ZNF516: variants seen among roughly 807,000 people sequenced by gnomAD.
ZNF516 encodes zinc finger protein 516.
ZNF516 carries 19 observed loss-of-function variants against 79.7 expected under a neutral mutation model. That is an observed-to-expected ratio of 0.24 (90% confidence interval 0.17 to 0.35). The LOEUF is 0.35. ZNF516 is among the 10% of genes least tolerant of loss of function. The pLI is 1.00. For missense variants in ZNF516, 1,678 were observed against 1,679.5 expected (o/e 1.00, Z 0.02); for synonymous variants, 877 against 739.5 (o/e 1.19, Z -3.02).
chr18:76,377,088 C>T (rs2074799186), intron 4 of ZNF516, among the ~76,000 whole-genome samples: 1 of 152,258 alleles, frequency 6.6e-6, no homozygotes, highest in African/African-American at 2.4e-5. Context: ...GCTGAGGGAA[C>T]TCGCTCACTG....
At chr18:76,495,664 GT>G, upstream of ZNF516, 1 of 1,160,938 alleles carries the variant, frequency 8.6e-7, no homozygotes, top group Non-Finnish European at 1.1e-6. Context: ...CCCGGAGGCC[GT>G]TTCCGCGCGC....
intron 2 of ZNF516, among the ~76,000 whole-genome samples, chr18:76,458,163 G>T (rs1440734548): frequency 6.6e-6 from 1 of 152,146 alleles, no homozygotes; most frequent in Non-Finnish European, 1.5e-5. Flanking sequence ...TAGCTTCTTG[G>T]AAACTGTAAC....
intron 3 of ZNF516, among the ~76,000 whole-genome samples, chr18:76,427,965 T>C (rs759114150): frequency 6.6e-6 from 1 of 152,234 alleles, no homozygotes; most frequent in Non-Finnish European, 1.5e-5. Context: ...CTAAGAATTA[T>C]TGAGGGCATG....
rs1360232271 is a variant in ZNF516, at chr18:76,360,599, A to G, written c.*1899T>C. The G allele has an allele frequency of 1.4e-5, 2 of 139,026 alleles. No individual in the cohort carries two copies. The highest frequency in any genetic ancestry group is 1.5e-5 in the Non-Finnish European group (1 of 65,788). The allele number at this position is 139,026 out of a possible 1,614,324, so 8.6% of individuals were successfully genotyped here. ...CCAACAGGACAGATCATTTTCGTAC[A>G]TATCTGGTGTAAGAATATCAGAAAA... On this transcript the variant is annotated 3_prime_UTR_variant, in exon 7 of 7. Transcript: ENST00000443185.
Position 76,359,182 on chromosome 18 carries a change from G to C in ZNF516, c.*3316C>G, listed in dbSNP as rs1360368529. 1 of 152,220 alleles carries C rather than the reference G, an allele frequency of 6.6e-6. No homozygotes were observed. Among genetic ancestry groups the C allele is most frequent in the Non-Finnish European group, 1.5e-5 (1 of 68,046 alleles). 9.4% of individuals were successfully genotyped at this position (152,220 alleles called of 1,614,324 possible). A position where few individuals can be genotyped will look rare whatever the true frequency, so the allele number is the denominator to read the frequency against. ...CAACTCCCAATTGCTACTTCCTGAA[G>C]CACCTGCTTTTCAGGGAACCAGTGT... On this transcript the variant is annotated 3_prime_UTR_variant, in exon 7 of 7. Transcript: ENST00000443185.
chr18:76,432,650 T>G (rs2075677658), intron 3 of ZNF516, among the ~76,000 whole-genome samples: 1 of 152,248 alleles, frequency 6.6e-6, no homozygotes. Flanking sequence ...CTCATGGATC[T>G]TCCCACATCC....
At chr18:76,425,934 C>T (rs1388028634) in intron 3 of ZNF516, among the ~76,000 whole-genome samples, 1 of 152,240 alleles carries the variant, frequency 6.6e-6, no homozygotes, top group Non-Finnish European at 1.5e-5. Flanking sequence ...GGCAAACCCC[C>T]CAGCGCTGCT....
At chr18:76,403,976 C>T (rs747600390) in intron 3 of ZNF516, among the ~76,000 whole-genome samples, 1 of 152,254 alleles carries the variant, frequency 6.6e-6, no homozygotes, top group Non-Finnish European at 1.5e-5. Context: ...CCGACCACCA[C>T]TCCCTGTGGC....
chr18:76,495,467 C>G (rs1915445561), upstream of ZNF516: 1 of 152,384 alleles, frequency 6.6e-6, no homozygotes, highest in Non-Finnish European at 1.5e-5. Flanking sequence ...TGGAAATGGT[C>G]TGCCCTGTAG....
At chr18:76,386,766 G>C (rs2074998552) in intron 3 of ZNF516, 1 of 152,120 alleles carries the variant, frequency 6.6e-6, no homozygotes, top group African/African-American at 2.4e-5. Context: ...ATGAGAGCTG[G>C]ACTTTTCAAG....
intron 1 of ZNF516, chr18:76,491,687 C>A: frequency 4.1e-6 from 1 of 244,472 alleles, no homozygotes; most frequent in Non-Finnish European, 6.5e-6. Flanking sequence ...CCGGGGCGGG[C>A]AGGTGAGTCC....
chr18:76,430,924 T>A (rs1220634435), intron 3 of ZNF516, among the ~76,000 whole-genome samples: 1 of 152,206 alleles, frequency 6.6e-6, no homozygotes, highest in Non-Finnish European at 1.5e-5. Context: ...CTCCTGTAAA[T>A]GGATATCGCT....
chr18:76,477,231 A>C (rs780204175), intron 1 of ZNF516, among the ~76,000 whole-genome samples: 11 of 152,230 alleles, frequency 7.2e-5, no homozygotes, highest in Non-Finnish European at 1.5e-4. Context: ...CTGCAATTCC[A>C]CAAGTCAGAC....
intron 1 of ZNF516, chr18:76,491,096 C>G: frequency 1.0e-6 from 1 of 985,176 alleles, no homozygotes; most frequent in Non-Finnish European, 1.2e-6. Flanking sequence ...CTCGGGGCCA[C>G]GCCTTTCCCA....
chr18:76,390,684 G>A (rs201072413), intron 3 of ZNF516, among the ~76,000 whole-genome samples: 8 of 152,182 alleles, frequency 5.3e-5, no homozygotes, highest in South Asian at 2.1e-4. Flanking sequence ...CCATGTGGAC[G>A]TCGGTCATTA....
intron 1 of ZNF516, among the ~76,000 whole-genome samples, chr18:76,475,931 G>C (rs979880593): frequency 8.5e-5 from 13 of 152,152 alleles, no homozygotes; most frequent in African/African-American, 3.1e-4. Context: ...ACAGTGACTG[G>C]CATAGAGCAG....
intron 3 of ZNF516, among the ~76,000 whole-genome samples, chr18:76,412,724 G>A (rs1268439800): frequency 2.0e-5 from 3 of 152,220 alleles, no homozygotes; most frequent in Non-Finnish European, 4.4e-5. Flanking sequence ...CAGCAACTGA[G>A]GCAGCTCCTG....
chr18:76,420,521 A>G (rs914257332), intron 3 of ZNF516, among the ~76,000 whole-genome samples: 19 of 152,200 alleles, frequency 1.2e-4, no homozygotes, highest in African/African-American at 4.6e-4. Flanking sequence ...CACTATTCTC[A>G]GGACTATTTG....
intron 2 of ZNF516, among the ~76,000 whole-genome samples, chr18:76,449,256 G>T (rs910090968): frequency 1.3e-5 from 2 of 152,140 alleles, no homozygotes; most frequent in African/African-American, 2.4e-5. Flanking sequence ...GCTTCTCAGG[G>T]TCTGAACCCC....
Sources: allele counts gnomAD v4.1 joint callset (sites outside exome capture counted in the v4.1 genomes callset), GRCh38; gene constraint gnomAD v4.1.1; transcripts MANE v1.5; gene names NCBI Gene and HGNC (gene_info 2026-07-23, HGNC 2026-07-21).